The following SLC19A3 variants were observed in gnomAD, a reference collection of about 807,000 sequenced individuals.
SLC19A3 encodes solute carrier family 19 member 3, also known as thiamine transporter 2.
A neutral mutation model predicts 40.2 loss-of-function variants in SLC19A3; 31 were observed. That is an observed-to-expected ratio of 0.77 (90% CI 0.58 to 1.04). SLC19A3 has a LOEUF of 1.04. Among genes scored for constraint, SLC19A3 ranks in the 50% least tolerant of loss-of-function variants. The pLI is 0.00. For synonymous variants in SLC19A3, 212 were observed against 227.5 expected (o/e 0.93, Z 0.61); for missense variants, 592 against 596.7 (o/e 0.99, Z 0.08).
At position 227,684,980 on chromosome 2, in the gene SLC19A3, C is replaced by CAAAAAAAAAAAAAAAAAAAAA. The variant is rs60946199; in HGVS notation, c.*2396_*2416dup. 1.9e-4 allele frequency: 12 copies of CAAAAAAAAAAAAAAAAAAAAA among 62,404 alleles called. No homozygotes were observed. The highest frequency in any genetic ancestry group is 7.3e-4 in the East Asian group (1 of 1,376). The allele number at this position is 62,404 out of a possible 1,614,324, so 3.9% of individuals were successfully genotyped here. On this transcript the variant is annotated 3_prime_UTR_variant, in exon 6 of 6. Transcript: ENST00000644224. ...CCTGGGTGACAGAGCAAGATTCTAT[C>CAAAAAAAAAAAAAAAAAAAAA]AAAAAAAAAAAAAAAAAAAAAAAAA...
rs1344961969 is a variant in SLC19A3, at chr2:227,695,988, C to G, written c.1073G>C (p.Gly358Ala). 1 of 1,614,096 alleles carries G rather than the reference C, an allele frequency of 6.2e-7. No homozygotes were observed. The highest frequency in any genetic ancestry group is 8.5e-7 in the Non-Finnish European group (1 of 1,180,028). Residue 358 changes from glycine to alanine, a missense_variant, in exon 4 of 6, where the codon GGT becomes GCT. Physicochemically the swap from Gly to Ala is moderately conservative, Grantham distance 60 (BLOSUM62 0). Coordinates refer to ENST00000644224, the MANE Select transcript of SLC19A3 (RefSeq NM_025243.4). ...ALVVFSVVNA[G>A]SLFLMHYTAN... is the part of the protein sequence containing the mutation. Reference sequence around the variant, plus strand: ...TGTGTAATGCATGAGAAATAAAGAACCGGCATTGACAACTGAGAAGACCAC... The same window carrying G: ...TGTGTAATGCATGAGAAATAAAGAAGCGGCATTGACAACTGAGAAGACCAC...
chr2:227,699,394 C>A lies in SLC19A3; in HGVS notation c.321G>T (p.Gln107His). The A allele has an allele frequency of 9.9e-6, 16 of 1,614,188 alleles. No individual in the cohort carries two copies. The highest frequency in any genetic ancestry group is 1.4e-5 in the Non-Finnish European group (16 of 1,180,052). Reference sequence around the variant, plus strand: ...CCATCCCATAGAAGAACTCTACAACCTGCATGGTCTTCACTCCTTGGCCAA... The same window carrying A: ...CCATCCCATAGAAGAACTCTACAACATGCATGGTCTTCACTCCTTGGCCAA... ...LLFGQGVKTMQVVEFFYGMVT... is the reference protein window; with the variant it reads ...LLFGQGVKTMHVVEFFYGMVT... Residue 107 changes from glutamine to histidine, a missense_variant, in exon 3 of 6, where the codon CAG (glutamine) becomes CAT (histidine). Gln to His is a conservative substitution (Grantham distance 24). Transcript: ENST00000644224.
intron 4 of SLC19A3, among the ~76,000 whole-genome samples, chr2:227,692,066 T>C (rs1444466091): frequency 6.6e-6 from 1 of 152,108 alleles, no homozygotes; most frequent in East Asian, 1.9e-4. Context: ...AGTAATAAGA[T>C]TGAAGTCATA....
Position 227,689,921 on chromosome 2 carries a change from T to C in SLC19A3, c.1173-1614A>G, listed in dbSNP as rs1335201038. Among the ~76,000 whole-genome samples, 3 of 152,230 alleles carry C rather than the reference T, an allele frequency of 2.0e-5. No homozygotes were observed. In the East Asian group the frequency reaches 5.8e-4, roughly 29 times the overall value. On this transcript the variant is annotated intron_variant, in intron 4 of 5. Transcript: ENST00000644224. ...TTTGCTTGTTTGTTTATGCAAATAG[T>C]CTTAAGTTGTTATCAGCTTAAAATA...
At chr2:227,687,764 TACGGTG>T (rs2106317669) in intron 5 of SLC19A3, among the ~76,000 whole-genome samples, 191 bp from the exon 6 acceptor site, 1 of 152,314 alleles carries the variant, frequency 6.6e-6, no homozygotes, top group South Asian at 2.1e-4. Flanking sequence ...GTGTAAGCAA[TACGGTG>T]ACTAAGAGTC....
Position 227,687,206 on chromosome 2 carries a change from T to C in SLC19A3, c.*191A>G, listed in dbSNP as rs1695048627. 1 of 560,690 alleles carries C rather than the reference T, an allele frequency of 1.8e-6. No individual in the cohort carries two copies. The highest frequency in any genetic ancestry group is 1.9e-5 in the African/African-American group (1 of 53,210). The allele number at this position is 560,690 out of a possible 1,614,324, so 34.7% of individuals were successfully genotyped here. A position where few individuals can be genotyped will look rare whatever the true frequency, so the allele number is the denominator to read the frequency against. On this transcript the variant is annotated 3_prime_UTR_variant, in exon 6 of 6. Coordinates refer to ENST00000644224, the MANE Select transcript of SLC19A3 (RefSeq NM_025243.4). ...TAATTATGATGACGGGTCCTGTCAA[T>C]TGCATCCAGTAAAATTGGTCACATA...
intron 1 of SLC19A3, among the ~76,000 whole-genome samples, chr2:227,705,465 T>C (rs1374164582): frequency 6.6e-6 from 1 of 151,764 alleles, no homozygotes; most frequent in Non-Finnish European, 1.5e-5. Flanking sequence ...TACATGTTCA[T>C]GTATCTTTAT....
intron 1 of SLC19A3, among the ~76,000 whole-genome samples, chr2:227,704,109 G>A (rs1277098637): frequency 1.3e-5 from 2 of 152,200 alleles, no homozygotes; most frequent in African/African-American, 4.8e-5. Context: ...CAAGGAAGAT[G>A]CTGAATGAAT....
chr2:227,684,173 T>C lies in SLC19A3; in HGVS notation c.*3224A>G, dbSNP rs554137984. ...ATTTTTGTCCTTTTTATACAAATGC[T>C]GAGTTGCTGCGTTCATTATTATTTT... On this transcript the variant is annotated 3_prime_UTR_variant, in exon 6 of 6. Transcript: ENST00000644224. The C allele has an allele frequency of 6.6e-6, 1 of 152,366 alleles. No individual in the cohort carries two copies. The highest frequency in any genetic ancestry group is 1.9e-4 in the East Asian group (1 of 5,196). The allele number at this position is 152,366 out of a possible 1,614,324, so 9.4% of individuals were successfully genotyped here.
intron 4 of SLC19A3, among the ~76,000 whole-genome samples, chr2:227,691,937 T>C (rs1212056926): frequency 1.3e-5 from 2 of 152,162 alleles, no homozygotes; most frequent in Admixed American, 6.5e-5. Flanking sequence ...CAGTGGCTAC[T>C]ATGAGCAAGT....
Position 227,698,853 on chromosome 2 carries a change from C to A in SLC19A3, c.862G>T (p.Ala288Ser). 3.7e-6 allele frequency: 6 copies of A among 1,614,126 alleles called. No homozygotes were observed. Among genetic ancestry groups the A allele is most frequent in the Non-Finnish European group, 5.1e-6 (6 of 1,180,022 alleles). The change falls in exon 3 of 6, where the codon GCC becomes TCC. Residue 288 changes from alanine to serine, a missense_variant. Physicochemically the swap from Ala to Ser is moderately conservative, Grantham distance 99. Coordinates refer to ENST00000644224, the MANE Select transcript of SLC19A3 (RefSeq NM_025243.4). ...LFYWSLWWAF[A>S]TAGFNQVLNY... is the part of the protein sequence containing the mutation. ...AAAACCTGGTTAAAACCTGCTGTGG[C>A]GAAAGCCCACCATAGAGACCAGTAG...
Position 227,702,305 on chromosome 2 carries a change from C to G in SLC19A3, c.14G>C (p.Arg5Thr), listed in dbSNP as rs1461540875. Residue 5 changes from arginine (R) to threonine (T), a missense_variant, in exon 2 of 6, where the codon AGA (arginine) becomes ACA (threonine). Physicochemically the swap from Arg to Thr is moderately conservative, Grantham distance 71 (BLOSUM62 -1). Coordinates refer to ENST00000644224, the MANE Select transcript of SLC19A3 (RefSeq NM_025243.4). MDCY[R>T]TSLSSSWIYP... ...AATCCAGGAACTGCTTAGTGAAGTT[C>G]TGTAACAATCCATGGCTGATCAAAT... The G allele has an allele frequency of 6.2e-7, 1 of 1,613,908 alleles. No homozygotes were observed. The highest frequency in any genetic ancestry group is 8.5e-7 in the Non-Finnish European group (1 of 1,179,978).
chr2:227,700,906 T>C (rs1371996433), intron 2 of SLC19A3: 1 of 1,296,216 alleles, frequency 7.7e-7, no homozygotes. Flanking sequence ...TCACTGAACG[T>C]ACCCACCTTG....
chr2:227,691,931 G>T (rs1695246915), intron 4 of SLC19A3, among the ~76,000 whole-genome samples: 1 of 152,126 alleles, frequency 6.6e-6, no homozygotes, highest in Non-Finnish European at 1.5e-5. Context: ...GATCATCAGT[G>T]GCTACTATGA....
intron 4 of SLC19A3, among the ~76,000 whole-genome samples, chr2:227,694,307 G>A (rs944944722): frequency 2.0e-5 from 3 of 151,968 alleles, no homozygotes; most frequent in South Asian, 2.1e-4. Flanking sequence ...GTGCCCAGCC[G>A]TGAATATTTT....
intron 2 of SLC19A3, 94 bp from the exon 3 acceptor site, chr2:227,699,658 T>C (rs1695600332): frequency 9.8e-7 from 1 of 1,024,976 alleles, no homozygotes; most frequent in African/African-American, 1.6e-5. Context: ...AATTGGAAAT[T>C]ATTCGCATTA....
chr2:227,693,546 G>C (rs1009041301), intron 4 of SLC19A3, among the ~76,000 whole-genome samples: 1 of 152,178 alleles, frequency 6.6e-6, no homozygotes, highest in African/African-American at 2.4e-5. Context: ...GCAGAAGAAT[G>C]AATGAAAGTA....
intron 1 of SLC19A3, among the ~76,000 whole-genome samples, chr2:227,716,187 T>C (rs954283026): frequency 6.6e-6 from 1 of 152,216 alleles, no homozygotes; most frequent in Non-Finnish European, 1.5e-5. Flanking sequence ...TTATTGTCTA[T>C]AGACATGCAA....
chr2:227,704,683 G>C (rs1216771094), intron 1 of SLC19A3, among the ~76,000 whole-genome samples: 1 of 152,118 alleles, frequency 6.6e-6, no homozygotes, highest in Non-Finnish European at 1.5e-5. Context: ...AGCACTTTGG[G>C]AGGCTGAGGC....
Sources: gnomAD v4.1 joint callset for allele counts (sites outside exome capture counted in the v4.1 genomes callset) on GRCh38, gnomAD v4.1.1 for gene constraint, MANE v1.5 for transcripts, NCBI Gene and HGNC (gene_info 2026-07-23, HGNC 2026-07-21) for gene names.